Variants in GATA4 observed in about 807,000 individuals in gnomAD.
GATA4 encodes the protein transcription factor GATA-4.
GATA4 carries 7 observed loss-of-function variants against 37.9 expected under a neutral mutation model. The observed-to-expected ratio is 0.18, with a 90% CI of 0.11 to 0.35. The LOEUF (loss-of-function observed/expected upper bound fraction) is 0.35, where lower values mean the gene tolerates loss of function less well. Ranked by LOEUF, GATA4 falls within the 10% of genes least tolerant of loss-of-function variation. The pLI is 1.00. For synonymous variants in GATA4, 372 were observed against 292.6 expected (o/e 1.27, Z -2.77); for missense variants, 647 against 653.0 (o/e 0.99, Z 0.10).
chr8:11,683,184 G>T, intron 1 of GATA4: 1 of 924,332 alleles, frequency 1.1e-6, no homozygotes, highest in Non-Finnish European at 1.3e-6. Context: ...CTGGACAGCA[G>T]CAGGAACAAT....
intron 2 of GATA4, among the ~76,000 whole-genome samples, chr8:11,744,386 G>A (rs977148137): frequency 6.6e-6 from 1 of 152,214 alleles, no homozygotes; most frequent in Non-Finnish European, 1.5e-5. Context: ...CCAAACGTGG[G>A]TGATGCCTTC....
At chr8:11,733,314 A>G (rs1801298079) in intron 2 of GATA4, among the ~76,000 whole-genome samples, 1 of 152,260 alleles carries the variant, frequency 6.6e-6, no homozygotes, top group Non-Finnish European at 1.5e-5. Context: ...AATTTATATG[A>G]AAGAGTTATT....
intron 1 of GATA4, among the ~76,000 whole-genome samples, chr8:11,678,707 G>A (rs1798857302): frequency 1.3e-5 from 2 of 152,100 alleles, no homozygotes; most frequent in African/African-American, 4.8e-5. Flanking sequence ...TGTTTCTGCT[G>A]GTCTCATTTT....
chr8:11,745,819 T>C (rs886211127), intron 2 of GATA4, among the ~76,000 whole-genome samples: 9 of 152,128 alleles, frequency 5.9e-5, no homozygotes, highest in Non-Finnish European at 1.3e-4. Flanking sequence ...TATTTATGAA[T>C]AAAATAATAG....
At chr8:11,681,088 G>T in intron 1 of GATA4, 1 of 969,772 alleles carries the variant, frequency 1.0e-6, no homozygotes, top group Non-Finnish European at 1.2e-6. Flanking sequence ...TGAGGGGCAT[G>T]GGTGGCGCCC....
At chr8:11,694,617 T>C (rs1799450075) in intron 1 of GATA4, 4 of 594,630 alleles carry the variant, frequency 6.7e-6, no homozygotes, top group Non-Finnish European at 4.2e-6. Context: ...GGAAACACAA[T>C]ATTTTGTGGG....
chr8:11,726,637 AG>A (rs1800937344), intron 2 of GATA4, among the ~76,000 whole-genome samples: 1 of 151,988 alleles, frequency 6.6e-6, no homozygotes, highest in Admixed American at 6.5e-5. Context: ...GGCGGTGCAG[AG>A]GGGTGGAGGA....
intron 1 of GATA4, among the ~76,000 whole-genome samples, chr8:11,695,865 G>C (rs1452736855): frequency 6.6e-6 from 1 of 152,204 alleles, no homozygotes; most frequent in Non-Finnish European, 1.5e-5. Context: ...TACCCAGGAT[G>C]GACCACTGTG....
At chr8:11,730,922 T>G (rs1159500573) in intron 2 of GATA4, among the ~76,000 whole-genome samples, 2 of 152,186 alleles carry the variant, frequency 1.3e-5, no homozygotes, top group Non-Finnish European at 2.9e-5. Flanking sequence ...GAGCTCACAT[T>G]TCAGGGCATG....
chr8:11,704,205 G>C lies in GATA4; in HGVS notation c.-557G>C, dbSNP rs1799788305. ...CCGGGGACCCGAGCCGCGAGCTGGG[G>C]ACTTGGAGGCGGCCGGCGCAGGGGC... On this transcript the variant is annotated 5_prime_UTR_variant, in exon 1 of 7. Transcript: ENST00000532059. The C allele has an allele frequency of 6.6e-6, 1 of 152,334 alleles. No individual in the cohort carries two copies. The highest frequency in any genetic ancestry group is 6.5e-5 in the Admixed American group (1 of 15,294). 9.4% of individuals were successfully genotyped at this position (152,334 alleles called of 1,614,324 possible). A position where few individuals can be genotyped will look rare whatever the true frequency, so the allele number is the denominator to read the frequency against.
At chr8:11,745,742 G>C (rs1038509568) in intron 2 of GATA4, among the ~76,000 whole-genome samples, 1 of 152,180 alleles carries the variant, frequency 6.6e-6, no homozygotes, top group Non-Finnish European at 1.5e-5. Flanking sequence ...GAACCAGAAT[G>C]TAGGAGAGAG....
chr8:11,708,795 C>T lies in GATA4; in HGVS notation c.483C>T (p.Pro161=), dbSNP rs1205611701. 3.4e-6 allele frequency: 5 copies of T among 1,475,600 alleles called. No homozygotes were observed. The East Asian group carries it at 8.6e-5, about 25-fold the overall frequency. The allele number at this position is 1,475,600 out of a possible 1,614,324, so 91.4% of individuals were successfully genotyped here. A position where few individuals can be genotyped will look rare whatever the true frequency, so the allele number is the denominator to read the frequency against. The part of the protein sequence containing the change: ...RAGFAGSYSS[P]YPAYMADVGA... ...GCTTCGCGGGCTCCTACTCCAGCCC[C>T]TACCCGGCTTACATGGCCGACGTGG... The change falls in exon 2 of 7, where the codon CCC becomes CCT. Residue 161 remains proline (P), a synonymous_variant. Coordinates refer to ENST00000532059, the MANE Select transcript of GATA4 (RefSeq NM_001308093.3). The surrounding 1 kb of genome is among the most constrained non-coding windows in gnomAD (Gnocchi z 6.7).
At chr8:11,711,469 G>A (rs1031340242) in intron 2 of GATA4, among the ~76,000 whole-genome samples, 2 of 152,030 alleles carry the variant, frequency 1.3e-5, no homozygotes, top group African/African-American at 4.8e-5. Flanking sequence ...TTACATAAAA[G>A]CAACTGAAAT....
intron 1 of GATA4, among the ~76,000 whole-genome samples, chr8:11,684,191 C>G (rs1033328317): frequency 6.6e-5 from 10 of 152,184 alleles, no homozygotes; most frequent in African/African-American, 2.4e-4. Context: ...CTTAGTCAAG[C>G]CAACCTTCCT....
Position 11,758,764 on chromosome 8 carries a change from C to T in GATA4, c.*289C>T, listed in dbSNP as rs759536597. On this transcript the variant is annotated 3_prime_UTR_variant, in exon 7 of 7. Coordinates refer to ENST00000532059, the MANE Select transcript of GATA4 (RefSeq NM_001308093.3). Reference sequence around the variant, plus strand: ...TTTCCCAAGATGTCCTTGTCCCCTGCGTTCCCCACTGTGGCCTAGACCGTG... The same window carrying T: ...TTTCCCAAGATGTCCTTGTCCCCTGTGTTCCCCACTGTGGCCTAGACCGTG... 2.8e-5 allele frequency: 13 copies of T among 471,142 alleles called. 1 individual carries two copies. Among genetic ancestry groups the T allele is most frequent in the Admixed American group, 1.3e-4 (4 of 30,040 alleles). 29.2% of individuals were successfully genotyped at this position (471,142 alleles called of 1,614,324 possible).
chr8:11,693,556 CACACACAGAGAGAGAGAG>C (rs1334221591), intron 1 of GATA4, among the ~76,000 whole-genome samples: 8 of 103,592 alleles, frequency 7.7e-5, no homozygotes, highest in Non-Finnish European at 1.3e-4. Flanking sequence ...CACACACACA[CACACACAGAGAGAGAGAG>C]AGAGAGAGAG....
intron 1 of GATA4, chr8:11,697,586 G>A (rs1455879186): frequency 1.0e-6 from 1 of 985,288 alleles, no homozygotes; most frequent in Non-Finnish European, 1.2e-6. Flanking sequence ...GTCTGAAGGG[G>A]TCCTCGCCTG....
chr8:11,723,350 A>C (rs1358706504), intron 2 of GATA4, among the ~76,000 whole-genome samples: 1 of 152,092 alleles, frequency 6.6e-6, no homozygotes, highest in Non-Finnish European at 1.5e-5. Context: ...TAAAAAAAAA[A>C]AACAAAAAAA....
In GATA4 at chr8:11,750,156, A is replaced by T. The variant is rs761129819; in HGVS notation, c.832A>T (p.Thr278Ser). 2 of 1,613,840 alleles carry T rather than the reference A, an allele frequency of 1.2e-6. No individual in the cohort carries two copies. The highest frequency in any genetic ancestry group is 1.7e-6 in the Non-Finnish European group (2 of 1,180,034). ...VGLSCANCQT[T>S]TTTLWRRNAE... ...CCTCTCCTGTGCCAACTGCCAGACC[A>T]CCACCACCACGCTGTGGCGCCGCAA... Residue 278 changes from threonine to serine, a missense_variant, in exon 4 of 7, where the codon ACC becomes TCC. Physicochemically the swap from Thr to Ser is moderately conservative, Grantham distance 58 (BLOSUM62 1). Around this residue, in one of 5 missense-constraint regions of GATA4, gnomAD observed 56 missense variants for 64.5 expected, o/e 0.87. Coordinates refer to ENST00000532059, the MANE Select transcript of GATA4 (RefSeq NM_001308093.3).
Sources: gnomAD v4.1 joint callset for allele counts (sites outside exome capture counted in the v4.1 genomes callset) on GRCh38, gnomAD v4.1.1 for gene constraint, gnomAD v4.1.1 regional missense constraint, Gnocchi (gnomAD v3.1) non-coding constraint, MANE v1.5 for transcripts, NCBI Gene and HGNC (gene_info 2026-07-23, HGNC 2026-07-21) for gene names.